The following PAK6 variants were observed in gnomAD, a reference collection of about 807,000 sequenced individuals.
The protein encoded by PAK6 is p21 (RAC1) activated kinase 6, also known as serine/threonine-protein kinase PAK 6.
Under a neutral mutation model 60.8 loss-of-function variants are expected in PAK6, and 33 were observed. That is an observed-to-expected ratio of 0.54 (90% CI 0.41 to 0.73). The LOEUF (loss-of-function observed/expected upper bound fraction) is 0.73. Ranked by LOEUF, PAK6 falls within the 30% of genes least tolerant of loss-of-function variation. The probability of loss-of-function intolerance (pLI) is 0.00; values close to 1 mark genes in which losing one functional copy is unlikely to be tolerated. For missense variants in PAK6, 845 were observed against 904.1 expected (o/e 0.93, Z 0.84); for synonymous variants, 404 against 378.5 (o/e 1.07, Z -0.78).
chr15:40,272,307 G>A (rs200815331), exon 6 of PAK6: 268 of 1,613,994 alleles, frequency 1.7e-4, no homozygotes, highest in Non-Finnish European at 2.0e-4. Context: ...CGGACCAGCC[G>A]GTGGGGACCT....
chr15:40,247,047 G>A (rs1173097234), intron 2 of PAK6: 2 of 152,382 alleles, frequency 1.3e-5, no homozygotes, highest in Non-Finnish European at 2.9e-5. Context: ...CCCTCACCTA[G>A]TCAGGCACAG....
intron 4 of PAK6, 103 bp from the exon 5 acceptor site, chr15:40,265,739 C>A: frequency 9.2e-7 from 1 of 1,082,894 alleles, no homozygotes; most frequent in Non-Finnish European, 1.3e-6. Context: ...TTAGGTGGTC[C>A]TCCCCAGGGC....
intron 5 of PAK6, among the ~76,000 whole-genome samples, chr15:40,269,967 C>T (rs1476673417): frequency 1.3e-5 from 2 of 152,242 alleles, no homozygotes; most frequent in African/African-American, 4.8e-5. Flanking sequence ...CATTTTACAG[C>T]CTTTCTTAGG....
Position 40,259,006 on chromosome 15 carries a change from C to T in PAK6, c.-6+5717C>T, listed in dbSNP as rs369061665. 6.7e-5 allele frequency: 9 copies of T among 134,082 alleles called. No homozygotes were observed. The East Asian group carries it at 1.7e-3, about 26-fold the overall frequency. The allele number at this position is 134,082 out of a possible 1,614,324, so 8.3% of individuals were successfully genotyped here. A position where few individuals can be genotyped will look rare whatever the true frequency, so the allele number is the denominator to read the frequency against. ...CTGTGCCCGAGCTGGCCACCCCGTTCTGCTTGTTTCCACTTCAGGGTCTTA... is the reference window on the plus strand; with the variant it reads ...CTGTGCCCGAGCTGGCCACCCCGTTTTGCTTGTTTCCACTTCAGGGTCTTA... On this transcript the variant is annotated intron_variant, in intron 3 of 10. Coordinates refer to ENST00000560346, the Ensembl canonical transcript of PAK6.
chr15:40,268,844 C>T (rs2039221863), intron 5 of PAK6, among the ~76,000 whole-genome samples: 1 of 152,148 alleles, frequency 6.6e-6, no homozygotes, highest in Admixed American at 6.5e-5. Context: ...CCGTGTACTC[C>T]GATATATGTC....
In PAK6 at chr15:40,266,136, C is replaced by T. The variant is rs772785753; in HGVS notation, c.499C>T (p.Arg167Trp). 1.2e-5 allele frequency: 20 copies of T among 1,609,678 alleles called. No homozygotes were observed. The highest frequency in any genetic ancestry group is 6.6e-5 in the South Asian group (6 of 90,982). Residue 167 changes from arginine (R) to tryptophan (W), a missense_variant, in exon 5 of 11, where the codon CGG becomes TGG. Physicochemically the swap from Arg to Trp is moderately radical, Grantham distance 101 (BLOSUM62 -3). Coordinates refer to ENST00000560346, the Ensembl canonical transcript of PAK6. ...GCCGTGGCCCGAGCCACAGAGCCCA[C>T]GGGTCCTGCCCAATGGGCTGGCTGC...
intron 3 of PAK6, among the ~76,000 whole-genome samples, chr15:40,256,670 C>A (rs2038842500): frequency 6.6e-6 from 1 of 152,208 alleles, no homozygotes; most frequent in African/African-American, 2.4e-5. Context: ...CACATCAGGT[C>A]CTGGGTCAGA....
chr15:40,273,655 CA>C lies in PAK6; in HGVS notation c.1723del (p.Arg575GlyfsTer17). 1 of 1,614,058 alleles carries C rather than the reference CA, an allele frequency of 6.2e-7. No individual in the cohort carries two copies. The highest frequency in any genetic ancestry group is 8.5e-7 in the Non-Finnish European group (1 of 1,179,994). On this transcript the variant is annotated frameshift_variant, in exon 9 of 11. Coordinates refer to ENST00000560346, the Ensembl canonical transcript of PAK6. LOFTEE classifies it high-confidence loss of function. Reference sequence around the variant, plus strand: ...ACTGGATGGCTCCTGAAGTGATCTCCAGGTCTTTGTATGCCACTGAGGTAAC... The same window carrying C: ...ACTGGATGGCTCCTGAAGTGATCTCCGGTCTTTGTATGCCACTGAGGTAAC...
exon 5 of PAK6, chr15:40,265,845 G>A (rs964388909): frequency 1.3e-6 from 2 of 1,520,522 alleles, no homozygotes; most frequent in Middle Eastern, 1.8e-4. Flanking sequence ...CCTACAGACA[G>A]TGGTGCGGGG....
At chr15:40,240,790 G>A (rs2038307032) in intron 2 of PAK6, 109 bp downstream of exon 2, 1 of 362,064 alleles carries the variant, frequency 2.8e-6, no homozygotes, top group South Asian at 1.9e-5. Context: ...CTCCACAGCT[G>A]TGGGTTCCTG....
chr15:40,273,687 C>T lies in PAK6; in HGVS notation c.1743+11C>T. 1.2e-6 allele frequency: 2 copies of T among 1,612,484 alleles called. No homozygotes were observed. The highest frequency in any genetic ancestry group is 1.7e-6 in the Non-Finnish European group (2 of 1,178,948). The stretch of plus-strand genomic sequence containing the variant: ...TTGTATGCCACTGAGGTAACCGTTC[C>T]CTCCACCCCCCAGACCTCCCAAAAG... On this transcript the variant is annotated intron_variant, in intron 9 of 10. Coordinates refer to ENST00000560346, the Ensembl canonical transcript of PAK6.
At chr15:40,255,605 G>A (rs1014056098) in intron 3 of PAK6, among the ~76,000 whole-genome samples, 3 of 152,176 alleles carry the variant, frequency 2.0e-5, no homozygotes, top group Non-Finnish European at 2.9e-5. Context: ...TCCTTCCCCC[G>A]TGTATTTTGG....
Position 40,273,012 on chromosome 15 carries a change from G to A in PAK6, c.1490+13G>A, listed in dbSNP as rs1254546865. ...TCTCCCAAGTCAGGTGGGCAGCTGG[G>A]AGGGCTGGACCCTGAGTGCAGGCTG... On this transcript the variant is annotated intron_variant, in intron 7 of 10. Coordinates refer to ENST00000560346, the Ensembl canonical transcript of PAK6. The A allele has an allele frequency of 2.5e-6, 4 of 1,612,934 alleles. No individual in the cohort carries two copies. Among genetic ancestry groups the A allele is most frequent in the Non-Finnish European group, 3.4e-6 (4 of 1,179,688 alleles).
At chr15:40,262,394 T>C (rs1344005274) in intron 3 of PAK6, among the ~76,000 whole-genome samples, 17 of 152,022 alleles carry the variant, frequency 1.1e-4, no homozygotes, top group Admixed American at 1.1e-3. Flanking sequence ...ATCTCAGCTA[T>C]TCAGGAGGCT....
intron 4 of PAK6, 61 bp downstream of exon 4, chr15:40,265,050 G>A: frequency 2.0e-6 from 3 of 1,508,522 alleles, no homozygotes; most frequent in Non-Finnish European, 2.7e-6. Flanking sequence ...ACCATGCCTG[G>A]CTAAACCTCA....
At chr15:40,264,180 A>G (rs2039056829) in intron 3 of PAK6, among the ~76,000 whole-genome samples, 1 of 152,160 alleles carries the variant, frequency 6.6e-6, no homozygotes, top group African/African-American at 2.4e-5. Context: ...TTAACGTATC[A>G]TATTAACAGG....
chr15:40,271,893 G>T (rs1278915298), intron 5 of PAK6, among the ~76,000 whole-genome samples: 2 of 152,224 alleles, frequency 1.3e-5, no homozygotes, highest in Non-Finnish European at 2.9e-5. Flanking sequence ...CCTCCCTGGG[G>T]TCTAGCTGTC....
intron 3 of PAK6, among the ~76,000 whole-genome samples, chr15:40,258,220 T>C (rs2038890578): frequency 6.6e-6 from 1 of 152,242 alleles, no homozygotes; most frequent in Admixed American, 6.5e-5. Context: ...TTCAGCAGGC[T>C]TCTTCCCTGG....
At chr15:40,272,263 C>A in exon 6 of PAK6, 2 of 1,613,564 alleles carry the variant, frequency 1.2e-6, no homozygotes, top group Non-Finnish European at 1.7e-6. Context: ...AGACAACCCC[C>A]CAAGCCTGGT....
Sources: gnomAD v4.1 joint callset for allele counts (sites outside exome capture counted in the v4.1 genomes callset) on GRCh38, gnomAD v4.1.1 for gene constraint, MANE v1.5 for transcripts, NCBI Gene and HGNC (gene_info 2026-07-23, HGNC 2026-07-21) for gene names.